Variants in CFAP20DC observed in about 807,000 individuals in gnomAD.
CFAP20DC encodes the protein protein CFAP20DC.
CFAP20DC carries 84 observed loss-of-function variants against 101.7 expected under a neutral mutation model. That is an observed-to-expected ratio of 0.83 (90% CI 0.69 to 0.99). The LOEUF (loss-of-function observed/expected upper bound fraction) is 0.99, where lower values mean the gene tolerates loss of function less well. Ranked by LOEUF, CFAP20DC falls within the 50% of genes least tolerant of loss-of-function variation. CFAP20DC has a pLI of 0.00. For synonymous variants in CFAP20DC, 359 were observed against 351.2 expected, an observed-to-expected ratio of 1.02 and a Z score of -0.25; for missense variants, 1,007 against 970.3, an observed-to-expected ratio of 1.04 and a Z score of -0.50.
At chr3:59,032,061 G>A (rs761780676) in intron 4 of CFAP20DC, among the ~76,000 whole-genome samples, 2 of 152,190 alleles carry the variant, frequency 1.3e-5, no homozygotes, top group Non-Finnish European at 2.9e-5. Flanking sequence ...CCAAAGCAGG[G>A]TAGGGTGTCA....
chr3:58,960,398 A>G (rs1222738861), intron 4 of CFAP20DC, among the ~76,000 whole-genome samples: 1 of 151,908 alleles, frequency 6.6e-6, no homozygotes, highest in African/African-American at 2.4e-5. Context: ...AGGCTGAGGC[A>G]GAAGAATCGC....
intron 15 of CFAP20DC, among the ~76,000 whole-genome samples, chr3:58,784,956 T>G (rs1575632094): frequency 6.6e-6 from 1 of 152,232 alleles, no homozygotes; most frequent in Middle Eastern, 3.4e-3. Context: ...AAGAAATCAG[T>G]ATATCAAAGG....
intron 4 of CFAP20DC, among the ~76,000 whole-genome samples, chr3:59,027,973 A>G (rs1222142064): frequency 6.6e-6 from 1 of 152,248 alleles, no homozygotes; most frequent in Non-Finnish European, 1.5e-5. Context: ...ATATTATGAA[A>G]TAAGCAAGTC....
chr3:59,002,975 C>G lies in CFAP20DC; in HGVS notation c.278+36582G>C, dbSNP rs2093348929. Among the ~76,000 whole-genome samples, 1 of 152,164 alleles carries G rather than the reference C, an allele frequency of 6.6e-6. No homozygotes were observed. Among genetic ancestry groups the G allele is most frequent in the South Asian group, 2.1e-4 (1 of 4,824 alleles). ...GCTATAATGCATCCAAGATTTCTGACTGAATATCCAATGTTCTTCCCTACA... is the reference window on the plus strand; with the variant it reads ...GCTATAATGCATCCAAGATTTCTGAGTGAATATCCAATGTTCTTCCCTACA... On this transcript the variant is annotated intron_variant, in intron 4 of 16. Transcript: ENST00000482387. This position sits in a 1 kb window ranked among gnomAD's most constrained non-coding sequence, Gnocchi z 4.5.
At chr3:58,784,248 G>T (rs573605750) in intron 15 of CFAP20DC, among the ~76,000 whole-genome samples, 1 of 152,108 alleles carries the variant, frequency 6.6e-6, no homozygotes, top group South Asian at 2.1e-4. Context: ...TTGCTAAAAA[G>T]GACATGATTT....
At chr3:58,836,867 T>C (rs1331916479) in intron 13 of CFAP20DC, among the ~76,000 whole-genome samples, 2 of 152,050 alleles carry the variant, frequency 1.3e-5, no homozygotes, top group African/African-American at 2.4e-5. Context: ...AGAAGGGAGA[T>C]ATACAAAATG....
chr3:58,852,950 C>T (rs931941499), intron 12 of CFAP20DC, among the ~76,000 whole-genome samples: 2 of 151,944 alleles, frequency 1.3e-5, no homozygotes, highest in African/African-American at 4.8e-5. Context: ...TAAACACATA[C>T]GAAAGCTAGC....
At chr3:58,931,134 C>T (rs570315715) in intron 5 of CFAP20DC, among the ~76,000 whole-genome samples, 14 of 152,156 alleles carry the variant, frequency 9.2e-5, no homozygotes, top group Admixed American at 2.0e-4. Flanking sequence ...ACACCTGGCT[C>T]GGAGGGTCCT....
At chr3:58,811,550 T>G (rs868566724) in intron 14 of CFAP20DC, among the ~76,000 whole-genome samples, 1 of 152,048 alleles carries the variant, frequency 6.6e-6, no homozygotes, top group Non-Finnish European at 1.5e-5. Flanking sequence ...ATAAAAAAAT[T>G]AATTCAAGAT....
Position 58,865,098 on chromosome 3 carries a change from A to T in CFAP20DC, c.1259-1206T>A, listed in dbSNP as rs202243945. On this transcript the variant is annotated intron_variant, in intron 11 of 16. Transcript: ENST00000482387. ...TTTCTCAATGTAGTCTTTTTTTTTTAAATTTGCTTTTTTTTTTTTTGCAGC... is the reference window on the plus strand; with the variant it reads ...TTTCTCAATGTAGTCTTTTTTTTTTTAATTTGCTTTTTTTTTTTTTGCAGC... Among the ~76,000 whole-genome samples the T allele has an allele frequency of 1.9e-4, 28 of 150,440 alleles. No individual in the cohort carries two copies. In the East Asian group the frequency reaches 4.7e-3, roughly 25 times the overall value.
intron 5 of CFAP20DC, among the ~76,000 whole-genome samples, chr3:58,930,660 G>C (rs556152634): frequency 3.3e-5 from 5 of 152,302 alleles, no homozygotes; most frequent in African/African-American, 7.2e-5. Flanking sequence ...TACCCAGTTA[G>C]ACCTCAAAAT....
At chr3:58,981,469 A>G (rs2092542001) in intron 4 of CFAP20DC, among the ~76,000 whole-genome samples, 1 of 152,260 alleles carries the variant, frequency 6.6e-6, no homozygotes, top group South Asian at 2.1e-4. Context: ...CTACAAGGCT[A>G]CAGTAACCAA....
At chr3:58,825,178 C>G (rs1481451069) in intron 14 of CFAP20DC, among the ~76,000 whole-genome samples, 1 of 152,092 alleles carries the variant, frequency 6.6e-6, no homozygotes, top group Non-Finnish European at 1.5e-5. Flanking sequence ...ACAAACACTA[C>G]AGAATCTCTG....
chr3:58,848,110 A>G (rs1189778868), intron 13 of CFAP20DC, among the ~76,000 whole-genome samples: 4 of 147,868 alleles, frequency 2.7e-5, no homozygotes, highest in African/African-American at 1.0e-4. Flanking sequence ...TGGCACATGT[A>G]TACATATGTA....
At chr3:58,808,734 T>C (rs921366683) in intron 14 of CFAP20DC, among the ~76,000 whole-genome samples, 2 of 152,152 alleles carry the variant, frequency 1.3e-5, no homozygotes, top group Non-Finnish European at 2.9e-5. Flanking sequence ...TAAATGTAAA[T>C]GGACTAAATG....
rs559591178 is a variant in CFAP20DC, at chr3:58,931,935, A to C, written c.393+5713T>G. 2.0e-5 allele frequency among the ~76,000 whole-genome samples: 3 copies of C among 152,374 alleles called. No individual in the cohort carries two copies. In the South Asian group the frequency reaches 6.2e-4, roughly 32 times the overall value. On this transcript the variant is annotated intron_variant, in intron 5 of 16. Transcript: ENST00000482387. Reference sequence around the variant, plus strand: ...CAAAGCTGGACGGAGAATGACTTTGACGAGTTGAGGAAGAAGGCTTCAGAT... The same window carrying C: ...CAAAGCTGGACGGAGAATGACTTTGCCGAGTTGAGGAAGAAGGCTTCAGAT...
At chr3:58,891,759 G>C (rs2082280727) in intron 6 of CFAP20DC, among the ~76,000 whole-genome samples, 1 of 152,048 alleles carries the variant, frequency 6.6e-6, no homozygotes, top group South Asian at 2.1e-4. Context: ...TCTCTAAGTT[G>C]TCTGTTCACT....
chr3:59,031,308 A>G (rs1385459849), intron 4 of CFAP20DC, among the ~76,000 whole-genome samples: 1 of 152,082 alleles, frequency 6.6e-6, no homozygotes, highest in African/African-American at 2.4e-5. Context: ...AACTACCAGC[A>G]CCCTCACCAC....
Position 58,764,436 on chromosome 3 carries a change from C to A in CFAP20DC, c.2238-10573G>T, listed in dbSNP as rs180737554. ...CTGATCTTCCAGGTGCCATCTGTCA[C>A]CCCTTTCTTTGACTAGGAAAGGGAA... is the stretch of plus-strand genomic sequence containing the variant. On this transcript the variant is annotated intron_variant, in intron 15 of 16. Coordinates refer to ENST00000482387, the MANE Select transcript of CFAP20DC (RefSeq NM_001394063.1). Among the ~76,000 whole-genome samples the A allele has an allele frequency of 7.2e-4, 109 of 152,276 alleles. No individual in the cohort carries two copies. In the East Asian group the frequency reaches 0.012, roughly 17 times the overall value.
Sources: gnomAD v4.1 joint callset for allele counts (sites outside exome capture counted in the v4.1 genomes callset) on GRCh38, gnomAD v4.1.1 for gene constraint, Gnocchi (gnomAD v3.1) non-coding constraint, MANE v1.5 for transcripts, NCBI Gene and HGNC (gene_info 2026-07-23, HGNC 2026-07-21) for gene names.